Variants in DNM3 observed in about 807,000 individuals in gnomAD.
DNM3 encodes the protein dynamin 3, also known as dynamin-3.
DNM3 carries 47 observed loss-of-function variants against 101.6 expected under a neutral mutation model. The ratio of observed to expected loss-of-function variants is 0.46; its 90% CI spans 0.37 to 0.59. The LOEUF (loss-of-function observed/expected upper bound fraction) is 0.59, where lower values mean the gene tolerates loss of function less well. Ranked by LOEUF, DNM3 falls within the 20% of genes least tolerant of loss-of-function variation. The probability of loss-of-function intolerance (pLI) is 0.00; values close to 1 mark genes in which losing one functional copy is unlikely to be tolerated. For synonymous variants in DNM3, 385 were observed against 387.9 expected (o/e 0.99, Z 0.09); for missense variants, 849 against 1,085.7 (o/e 0.78, Z 3.06).
At chr1:172,034,082 G>T (rs2048797738) in intron 6 of DNM3, among the ~76,000 whole-genome samples, 1 of 152,060 alleles carries the variant, frequency 6.6e-6, no homozygotes, top group South Asian at 2.1e-4. Context: ...CTGATTCTTA[G>T]CTCCTGGAAA....
chr1:171,932,890 C>T (rs934593136), intron 2 of DNM3, among the ~76,000 whole-genome samples: 3 of 152,154 alleles, frequency 2.0e-5, no homozygotes, highest in African/African-American at 7.2e-5. Flanking sequence ...TGAGTATAGA[C>T]ATGGGAAAAT....
chr1:172,156,717 ACT>A (rs1457755038), intron 14 of DNM3, among the ~76,000 whole-genome samples: 1 of 151,934 alleles, frequency 6.6e-6, no homozygotes, highest in Non-Finnish European at 1.5e-5. Flanking sequence ...AAATAAACTA[ACT>A]CTTTTCAGTA....
intron 4 of DNM3, among the ~76,000 whole-genome samples, chr1:172,032,004 A>G (rs979337692): frequency 2.0e-5 from 3 of 152,186 alleles, no homozygotes; most frequent in African/African-American, 7.2e-5. Flanking sequence ...GTCCATGCAT[A>G]ACCTATTTAT....
intron 14 of DNM3, among the ~76,000 whole-genome samples, chr1:172,183,594 A>T (rs1238860687): frequency 6.6e-6 from 1 of 151,480 alleles, no homozygotes; most frequent in Non-Finnish European, 1.5e-5. Flanking sequence ...ATACATTCAA[A>T]CTTTTTTAAA....
At chr1:172,190,889 T>G (rs939824079) in intron 14 of DNM3, among the ~76,000 whole-genome samples, 1 of 152,232 alleles carries the variant, frequency 6.6e-6, no homozygotes, top group Non-Finnish European at 1.5e-5. Flanking sequence ...TAAATTTGTT[T>G]AAGTTCTTTG....
At chr1:171,960,272 A>G (rs903904606) in intron 2 of DNM3, among the ~76,000 whole-genome samples, 15 of 152,278 alleles carry the variant, frequency 9.9e-5, no homozygotes, top group Non-Finnish European at 1.2e-4. Context: ...TAGAGCCTTT[A>G]GATGGCCCTG....
intron 14 of DNM3, among the ~76,000 whole-genome samples, chr1:172,177,968 C>T (rs954382088): frequency 3.3e-5 from 5 of 151,794 alleles, no homozygotes; most frequent in Admixed American, 6.6e-5. Context: ...TGTTATCAGG[C>T]GCTTTCTTTG....
intron 2 of DNM3, among the ~76,000 whole-genome samples, chr1:171,949,709 C>T (rs1204372748): frequency 1.3e-5 from 2 of 152,012 alleles, no homozygotes; most frequent in Non-Finnish European, 2.9e-5. Flanking sequence ...AACCACTGCA[C>T]CTGGCCTCAC....
At chr1:172,057,247 G>A (rs1490709212) in intron 10 of DNM3, among the ~76,000 whole-genome samples, 1 of 152,208 alleles carries the variant, frequency 6.6e-6, no homozygotes, top group Non-Finnish European at 1.5e-5. Context: ...CGGGGAGAAT[G>A]GAACCAAGTT....
chr1:172,346,773 A>G (rs1426090723), intron 17 of DNM3, among the ~76,000 whole-genome samples: 1 of 152,212 alleles, frequency 6.6e-6, no homozygotes, highest in Non-Finnish European at 1.5e-5. Flanking sequence ...AAACTAAAGC[A>G]CTGGTTTCCA....
chr1:171,897,049 T>C (rs1179338441), intron 1 of DNM3, among the ~76,000 whole-genome samples: 1 of 150,146 alleles, frequency 6.7e-6, no homozygotes, highest in Non-Finnish European at 1.5e-5. Context: ...AACAGGGTTA[T>C]ATTTCTTCAT....
At chr1:171,872,055 G>A (rs2125088654) in intron 1 of DNM3, among the ~76,000 whole-genome samples, 1 of 152,170 alleles carries the variant, frequency 6.6e-6, no homozygotes, top group South Asian at 2.1e-4. Flanking sequence ...AACCCATCAG[G>A]AAAGGAATGT....
intron 17 of DNM3, among the ~76,000 whole-genome samples, chr1:172,362,052 C>A (rs1264019878): frequency 6.6e-6 from 1 of 151,948 alleles, no homozygotes; most frequent in Non-Finnish European, 1.5e-5. Flanking sequence ...AATACAGAAG[C>A]CAACCAGAAG....
chr1:172,113,111 A>G (rs889817028), intron 13 of DNM3, among the ~76,000 whole-genome samples: 4 of 152,180 alleles, frequency 2.6e-5, no homozygotes, highest in African/African-American at 9.7e-5. Context: ...ATTAAAGGTA[A>G]ATAGGGTTTC....
intron 15 of DNM3, among the ~76,000 whole-genome samples, chr1:172,308,033 C>G (rs2586421): frequency 0.012 from 1,883 of 151,746 alleles, 29 homozygotes; most frequent in African/African-American, 0.043. Flanking sequence ...TAATAAAAAT[C>G]TTAAATAAAA....
At chr1:171,847,880 CT>C (rs2032364932) in intron 1 of DNM3, among the ~76,000 whole-genome samples, 1 of 37,646 alleles carries the variant, frequency 2.7e-5, no homozygotes, top group East Asian at 1.3e-3. Flanking sequence ...ATATTAATTA[CT>C]CTCTCTCTCT....
chr1:172,186,122 C>T (rs1341615044), intron 14 of DNM3, among the ~76,000 whole-genome samples: 1 of 152,086 alleles, frequency 6.6e-6, no homozygotes, highest in Non-Finnish European at 1.5e-5. Flanking sequence ...CCTGGGAAGA[C>T]ATTCCAGAGT....
At chr1:171,844,775 A>G (rs1236936673) in intron 1 of DNM3, among the ~76,000 whole-genome samples, 1 of 152,216 alleles carries the variant, frequency 6.6e-6, no homozygotes, top group African/African-American at 2.4e-5. Flanking sequence ...TTTGAGACCT[A>G]TAATCTGAAC....
At chr1:172,057,670 G>T (rs2050758229) in intron 10 of DNM3, among the ~76,000 whole-genome samples, 1 of 151,466 alleles carries the variant, frequency 6.6e-6, no homozygotes, top group Non-Finnish European at 1.5e-5. Context: ...CACCAGGCCT[G>T]CCCTAAAAGA....
Sources: allele counts gnomAD v4.1 joint callset (sites outside exome capture counted in the v4.1 genomes callset), GRCh38; gene constraint gnomAD v4.1.1; transcripts MANE v1.5; gene names NCBI Gene and HGNC (gene_info 2026-07-23, HGNC 2026-07-21).